The following PLCB1 variants were observed in gnomAD, a reference collection of about 807,000 sequenced individuals.
The protein encoded by PLCB1 is phospholipase C beta 1.
A neutral mutation model predicts 161.8 loss-of-function variants in PLCB1; 46 were observed. The observed-to-expected ratio is 0.28, with a 90% confidence interval of 0.22 to 0.36. The LOEUF (loss-of-function observed/expected upper bound fraction) is 0.36. PLCB1 is among the 10% of genes least tolerant of loss of function. PLCB1 has a pLI of 1.00. For synonymous variants in PLCB1, 517 were observed against 503.7 expected, an observed-to-expected ratio of 1.03 and a Z score of -0.35; for missense variants, 1,016 against 1,472.5, an observed-to-expected ratio of 0.69 and a Z score of 5.07.
intron 3 of PLCB1, among the ~76,000 whole-genome samples, chr20:8,468,192 G>A (rs895894757): frequency 4.6e-5 from 7 of 152,182 alleles, no homozygotes; most frequent in African/African-American, 1.7e-4. Flanking sequence ...GCGTGAGGGA[G>A]CCTTATAGAG....
intron 3 of PLCB1, among the ~76,000 whole-genome samples, chr20:8,428,173 AAAAAG>A (rs1311365355): frequency 6.6e-6 from 1 of 152,154 alleles, no homozygotes; most frequent in Non-Finnish European, 1.5e-5. Flanking sequence ...TCTCTAATAA[AAAAAG>A]AAAAGAAAAA....
intron 11 of PLCB1, 87 bp downstream of exon 11, chr20:8,697,870 G>C: frequency 8.1e-7 from 1 of 1,228,534 alleles, no homozygotes; most frequent in South Asian, 1.6e-5. Flanking sequence ...AAGTCCCAGT[G>C]GTCACAATTA....
intron 3 of PLCB1, among the ~76,000 whole-genome samples, chr20:8,419,642 AG>A (rs139083157): frequency 0.034 from 5,175 of 152,256 alleles, 280 homozygotes; most frequent in African/African-American, 0.11. Flanking sequence ...GGCCAGACTA[AG>A]ATACGATGCT....
At chr20:8,260,838 G>C (rs944134591) in intron 2 of PLCB1, among the ~76,000 whole-genome samples, 3 of 152,246 alleles carry the variant, frequency 2.0e-5, no homozygotes, top group South Asian at 4.2e-4. Flanking sequence ...CCAGTTACTA[G>C]AAACTCATAG....
chr20:8,345,401 C>G (rs572060085), intron 2 of PLCB1, among the ~76,000 whole-genome samples: 1 of 152,256 alleles, frequency 6.6e-6, no homozygotes, highest in South Asian at 2.1e-4. Context: ...CTCATCAGGC[C>G]TCGTGTTTAA....
intron 23 of PLCB1, among the ~76,000 whole-genome samples, chr20:8,749,825 T>C (rs1981360185): frequency 1.3e-5 from 2 of 152,210 alleles, no homozygotes; most frequent in African/African-American, 4.8e-5. Context: ...GATTTATTCA[T>C]TCATTCAAAT....
At chr20:8,179,565 G>T (rs1162405034) in intron 2 of PLCB1, among the ~76,000 whole-genome samples, 1 of 152,116 alleles carries the variant, frequency 6.6e-6, no homozygotes, top group Non-Finnish European at 1.5e-5. Flanking sequence ...TAGGTACTAG[G>T]TATAAAATCA....
chr20:8,844,954 AATACAAAAAATTAG>A (rs1446348212), intron 31 of PLCB1, among the ~76,000 whole-genome samples: 1 of 151,860 alleles, frequency 6.6e-6, no homozygotes, highest in Non-Finnish European at 1.5e-5. Flanking sequence ...ACTGAAAAAA[AATACAAAAAATTAG>A]CCGGGTGAGG....
At chr20:8,853,212 A>C (rs1424828156) in intron 31 of PLCB1, among the ~76,000 whole-genome samples, 1 of 152,252 alleles carries the variant, frequency 6.6e-6, no homozygotes, top group Non-Finnish European at 1.5e-5. Context: ...AATAAAATAA[A>C]GTAGGTTATT....
chr20:8,538,127 G>T (rs1051456245), intron 3 of PLCB1, among the ~76,000 whole-genome samples: 5 of 152,088 alleles, frequency 3.3e-5, no homozygotes, highest in Non-Finnish European at 7.3e-5. Flanking sequence ...TGCTCTAGGG[G>T]ATTAATATTC....
chr20:8,739,486 C>T (rs997116087), intron 21 of PLCB1, 126 bp downstream of exon 21: 13 of 650,932 alleles, frequency 2.0e-5, no homozygotes, highest in African/African-American at 7.2e-5. Flanking sequence ...GTAACAAGGG[C>T]GATGAGATTT....
At chr20:8,648,009 C>A (rs1052557968) in intron 6 of PLCB1, 56 bp downstream of exon 6, 7 of 1,256,048 alleles carry the variant, frequency 5.6e-6, no homozygotes, top group Non-Finnish European at 7.8e-6. Context: ...AGATCTGAAT[C>A]CATGCCATGG....
chr20:8,639,547 G>A (rs1327636676), intron 4 of PLCB1, among the ~76,000 whole-genome samples: 3 of 152,170 alleles, frequency 2.0e-5, no homozygotes, highest in Non-Finnish European at 2.9e-5. Context: ...TCTATATCAG[G>A]AAACACATTT....
intron 2 of PLCB1, among the ~76,000 whole-genome samples, chr20:8,210,714 T>C (rs1027667062): frequency 7.2e-5 from 11 of 152,156 alleles, no homozygotes; most frequent in Non-Finnish European, 2.9e-5. Flanking sequence ...TTTTAATTCA[T>C]TCAATTCAAT....
chr20:8,264,628 T>C (rs934842079), intron 2 of PLCB1, among the ~76,000 whole-genome samples: 2 of 152,112 alleles, frequency 1.3e-5, no homozygotes, highest in East Asian at 1.9e-4. Context: ...CACTAGGTTA[T>C]AGGAATTTTT....
chr20:8,304,889 A>G (rs1984065538), intron 2 of PLCB1, among the ~76,000 whole-genome samples: 1 of 152,190 alleles, frequency 6.6e-6, no homozygotes, highest in South Asian at 2.1e-4. Flanking sequence ...TCTTAACCCC[A>G]GCACTATAAA....
chr20:8,776,231 G>T (rs1473055597), intron 27 of PLCB1, among the ~76,000 whole-genome samples: 1 of 152,154 alleles, frequency 6.6e-6, no homozygotes, highest in Non-Finnish European at 1.5e-5. Flanking sequence ...TTAGAGTTTG[G>T]TACTATTGTC....
At chr20:8,799,396 C>T (rs1462307578) in intron 31 of PLCB1, among the ~76,000 whole-genome samples, 1 of 152,132 alleles carries the variant, frequency 6.6e-6, no homozygotes, top group Non-Finnish European at 1.5e-5. Context: ...TCCACACAAC[C>T]ACGGATGGAA....
chr20:8,230,075 A>G (rs1412061590), intron 2 of PLCB1, among the ~76,000 whole-genome samples: 3 of 144,680 alleles, frequency 2.1e-5, no homozygotes, highest in Non-Finnish European at 3.0e-5. Flanking sequence ...AAAAAAAAAA[A>G]AAAAAAAAAG....
Sources: allele counts gnomAD v4.1 joint callset (sites outside exome capture counted in the v4.1 genomes callset), GRCh38; gene constraint gnomAD v4.1.1; transcripts MANE v1.5; gene names NCBI Gene and HGNC (gene_info 2026-07-23, HGNC 2026-07-21).